HHAT: variants seen among roughly 807,000 people sequenced by gnomAD.
HHAT encodes protein-cysteine N-palmitoyltransferase HHAT.
HHAT carries 47 observed loss-of-function variants against 70.8 expected under a neutral mutation model. The ratio of observed to expected loss-of-function variants is 0.66; its 90% confidence interval spans 0.53 to 0.85. The LOEUF (loss-of-function observed/expected upper bound fraction) is 0.85. Among genes scored for constraint, HHAT ranks in the 40% least tolerant of loss-of-function variants. The probability of loss-of-function intolerance (pLI) is 0.00; values close to 1 mark genes in which losing one functional copy is unlikely to be tolerated. For missense variants in HHAT, 609 were observed against 604.8 expected, an observed-to-expected ratio of 1.01 and a Z score of -0.07; for synonymous variants, 228 against 247.6, an observed-to-expected ratio of 0.92 and a Z score of 0.74.
intron 7 of HHAT, among the ~76,000 whole-genome samples, chr1:210,434,906 T>G (rs2093339819): frequency 6.6e-6 from 1 of 151,898 alleles, no homozygotes; most frequent in African/African-American, 2.4e-5. Context: ...TGGGGGTATA[T>G]GTGGTAATTT....
At chr1:210,532,629 A>G (rs1171128209) in intron 9 of HHAT, among the ~76,000 whole-genome samples, 5 of 152,170 alleles carry the variant, frequency 3.3e-5, no homozygotes, top group Non-Finnish European at 5.9e-5. Flanking sequence ...TCCAGACCCC[A>G]TATTGGAGTT....
intron 11 of HHAT, among the ~76,000 whole-genome samples, chr1:210,666,135 A>C (rs1678838716): frequency 6.6e-6 from 1 of 152,228 alleles, no homozygotes; most frequent in Non-Finnish European, 1.5e-5. Flanking sequence ...TGTTAGAGAC[A>C]AGATGGTGGT....
chr1:210,400,814 C>T (rs2092031755), intron 5 of HHAT, 152 bp downstream of exon 5: 3 of 691,944 alleles, frequency 4.3e-6, no homozygotes, highest in Non-Finnish European at 7.1e-6. Context: ...TACAAGTGAA[C>T]CCTAGTGGTG....
At chr1:210,487,891 T>A (rs2094496646) in intron 8 of HHAT, among the ~76,000 whole-genome samples, 1 of 152,158 alleles carries the variant, frequency 6.6e-6, no homozygotes. Context: ...AAGGCAACCT[T>A]TATTCACCAT....
intron 9 of HHAT, among the ~76,000 whole-genome samples, chr1:210,573,988 A>C (rs1657015876): frequency 1.3e-5 from 2 of 152,218 alleles, no homozygotes; most frequent in African/African-American, 4.8e-5. Context: ...ATCCTCCTGA[A>C]TTTGGAGTCT....
At chr1:210,466,673 T>C (rs1479205405) in intron 8 of HHAT, among the ~76,000 whole-genome samples, 2 of 152,234 alleles carry the variant, frequency 1.3e-5, no homozygotes, top group Admixed American at 6.5e-5. Flanking sequence ...TCTGGGTCCA[T>C]GTCCATAAAT....
chr1:210,411,682 G>A (rs1178392730), intron 6 of HHAT, among the ~76,000 whole-genome samples: 1 of 152,146 alleles, frequency 6.6e-6, no homozygotes, highest in Non-Finnish European at 1.5e-5. Flanking sequence ...TTGAGCCAAG[G>A]CTACCATGAG....
At chr1:210,517,307 A>G (rs1320234789) in intron 9 of HHAT, among the ~76,000 whole-genome samples, 1 of 152,010 alleles carries the variant, frequency 6.6e-6, no homozygotes, top group Non-Finnish European at 1.5e-5. Context: ...TTTATCTTTG[A>G]ATAGATATGG....
rs17016114 is a variant in HHAT at position 210,402,483 on chromosome 1, C to T, written c.468+1821C>T. ...CAACCTTCTCATCATCCCTGTCCAC[C>T]GGATTCTCTTTCAAAGTACAGCTTA... On this transcript the variant is annotated intron_variant, in intron 5 of 11. Transcript: ENST00000261458. Among the ~76,000 whole-genome samples, 464 of 152,254 alleles carry T rather than the reference C, an allele frequency of 3.0e-3. 4 individuals are homozygous for T. The highest frequency in any genetic ancestry group is 0.01 in the African/African-American group (429 of 41,536).
At chr1:210,333,660 ATT>A (rs572247937) in intron 1 of HHAT, among the ~76,000 whole-genome samples, 4 of 145,368 alleles carry the variant, frequency 2.8e-5, no homozygotes, top group African/African-American at 1.0e-4. Flanking sequence ...TACTACTATG[ATT>A]TTTTTTTTTT....
intron 9 of HHAT, among the ~76,000 whole-genome samples, chr1:210,549,301 T>C (rs1280826813): frequency 2.7e-5 from 4 of 149,170 alleles, no homozygotes; most frequent in Non-Finnish European, 4.4e-5. Context: ...TAATGAAGGG[T>C]TGGTATTGAG....
intron 8 of HHAT, among the ~76,000 whole-genome samples, chr1:210,502,899 C>T (rs1195862167): frequency 6.6e-6 from 1 of 151,540 alleles, no homozygotes; most frequent in Non-Finnish European, 1.5e-5. Context: ...TTTTTTCTTT[C>T]TTGCTGTCTA....
At chr1:210,608,633 TGTA>T (rs1665989815) in intron 10 of HHAT, among the ~76,000 whole-genome samples, 2 of 152,148 alleles carry the variant, frequency 1.3e-5, no homozygotes, top group Non-Finnish European at 2.9e-5. Context: ...TGCATTTAAT[TGTA>T]GTATGATTTG....
intron 11 of HHAT, among the ~76,000 whole-genome samples, chr1:210,660,672 A>G (rs573803569): frequency 9.3e-4 from 141 of 152,362 alleles, no homozygotes; most frequent in African/African-American, 3.2e-3. Context: ...CTATAAGACA[A>G]GACTACAGTA....
chr1:210,519,970 C>T (rs2095128009), intron 9 of HHAT, among the ~76,000 whole-genome samples: 1 of 151,732 alleles, frequency 6.6e-6, no homozygotes, highest in Non-Finnish European at 1.5e-5. Flanking sequence ...TGTATATCTT[C>T]CTTTGAGAAA....
intron 11 of HHAT, among the ~76,000 whole-genome samples, chr1:210,660,110 A>C (rs1424010636): frequency 1.3e-5 from 2 of 152,204 alleles, no homozygotes; most frequent in African/African-American, 4.8e-5. Context: ...AATTAGGAAA[A>C]GAGGAAGTCA....
At chr1:210,470,903 A>G (rs1199901991) in intron 8 of HHAT, among the ~76,000 whole-genome samples, 1 of 152,208 alleles carries the variant, frequency 6.6e-6, no homozygotes, top group Non-Finnish European at 1.5e-5. Flanking sequence ...ATGGTATCCA[A>G]TTCCTAATGG....
In HHAT at chr1:210,394,477, G is replaced by A. The variant is rs866407356; in HGVS notation, c.274-5991G>A. On this transcript the variant is annotated intron_variant, in intron 4 of 11. Transcript: ENST00000261458. Reference sequence around the variant, plus strand: ...CAGACAGTTGCCTCCTTTCATGAACGCCAACTGTGGCCTCACTACCACCTG... The same window carrying A: ...CAGACAGTTGCCTCCTTTCATGAACACCAACTGTGGCCTCACTACCACCTG... 9.2e-5 allele frequency among the ~76,000 whole-genome samples: 14 copies of A among 152,126 alleles called. No individual in the cohort carries two copies. In the South Asian group the frequency reaches 2.1e-3, roughly 23 times the overall value.
At chr1:210,573,738 T>C (rs1656924678) in intron 9 of HHAT, among the ~76,000 whole-genome samples, 1 of 152,166 alleles carries the variant, frequency 6.6e-6, no homozygotes. Context: ...CCTGTTGGTA[T>C]CTGTGATTTA....
Sources: gnomAD v4.1 joint callset for allele counts (sites outside exome capture counted in the v4.1 genomes callset) on GRCh38, gnomAD v4.1.1 for gene constraint, MANE v1.5 for transcripts, NCBI Gene and HGNC (gene_info 2026-07-23, HGNC 2026-07-21) for gene names.